NELL1: variants seen among roughly 807,000 people sequenced by gnomAD.
The protein encoded by NELL1 is protein kinase C-binding protein NELL1.
NELL1 carries 76 observed loss-of-function variants against 107.4 expected under a neutral mutation model. The ratio of observed to expected loss-of-function variants is 0.71; its 90% CI spans 0.59 to 0.86. The LOEUF (loss-of-function observed/expected upper bound fraction) is 0.86, where lower values mean the gene tolerates loss of function less well. NELL1 is among the 40% of genes least tolerant of loss of function. The pLI, the probability that NELL1 is intolerant of heterozygous loss-of-function variation, is 0.00. For missense variants in NELL1, 1,024 were observed against 1,005.5 expected (o/e 1.02, Z -0.25); for synonymous variants, 353 against 341.2 (o/e 1.03, Z -0.38).
At chr11:20,672,375 A>G (rs1047222651) in intron 1 of NELL1, among the ~76,000 whole-genome samples, 13 of 152,236 alleles carry the variant, frequency 8.5e-5, no homozygotes, top group African/African-American at 2.7e-4. Context: ...AGCTGCTCAG[A>G]TATCACCGGC....
chr11:21,020,113 T>A (rs1380335717), intron 12 of NELL1, among the ~76,000 whole-genome samples: 6 of 152,160 alleles, frequency 3.9e-5, no homozygotes, highest in Non-Finnish European at 8.8e-5. Flanking sequence ...TATGGTTATA[T>A]GTCAATTAAT....
At chr11:21,328,450 T>C (rs1473013183) in intron 14 of NELL1, among the ~76,000 whole-genome samples, 2 of 152,108 alleles carry the variant, frequency 1.3e-5, no homozygotes, top group African/African-American at 2.4e-5. Context: ...CAGGCAGAAG[T>C]ATGCTGTAGG....
At chr11:21,236,360 G>A (rs1473050072) in intron 14 of NELL1, among the ~76,000 whole-genome samples, 1 of 152,134 alleles carries the variant, frequency 6.6e-6, no homozygotes, top group Non-Finnish European at 1.5e-5. Context: ...TTGACCAGTT[G>A]ATTTAATGCA....
At chr11:21,439,452 T>C (rs1405432745) in intron 15 of NELL1, among the ~76,000 whole-genome samples, 1 of 152,180 alleles carries the variant, frequency 6.6e-6, no homozygotes, top group Admixed American at 6.5e-5. Context: ...GATCACTGAC[T>C]GGAACAGTGT....
intron 3 of NELL1, among the ~76,000 whole-genome samples, chr11:20,818,009 AT>A (rs1258580595): frequency 6.6e-6 from 1 of 152,112 alleles, no homozygotes; most frequent in East Asian, 1.9e-4. Flanking sequence ...ATGGAAAAGC[AT>A]GTGGTTGATC....
chr11:21,318,709 A>T (rs181659411), intron 14 of NELL1, among the ~76,000 whole-genome samples: 1 of 152,242 alleles, frequency 6.6e-6, no homozygotes, highest in Non-Finnish European at 1.5e-5. Context: ...GGTATTCAAT[A>T]AATGTTTATT....
chr11:21,433,380 T>A (rs566840571), intron 15 of NELL1, among the ~76,000 whole-genome samples: 13 of 152,334 alleles, frequency 8.5e-5, no homozygotes, highest in African/African-American at 3.1e-4. Flanking sequence ...TTTTATTTCC[T>A]TTGGATAAAT....
chr11:21,079,883 A>G (rs1278064430), intron 12 of NELL1, among the ~76,000 whole-genome samples: 2 of 152,088 alleles, frequency 1.3e-5, no homozygotes, highest in East Asian at 1.9e-4. Context: ...TGCCACTTAC[A>G]GTAGAAGATA....
intron 14 of NELL1, among the ~76,000 whole-genome samples, chr11:21,239,558 A>G (rs1858297842): frequency 6.6e-6 from 1 of 152,056 alleles, no homozygotes; most frequent in South Asian, 2.1e-4. Flanking sequence ...AGCAGCATGG[A>G]ATACATTTCT....
intron 12 of NELL1, among the ~76,000 whole-genome samples, chr11:20,985,484 G>T (rs1293516962): frequency 6.6e-6 from 1 of 152,068 alleles, no homozygotes. Context: ...CTCAGCTTGG[G>T]CGTATGGACA....
intron 10 of NELL1, among the ~76,000 whole-genome samples, chr11:20,941,416 A>G (rs1278043839): frequency 6.6e-6 from 1 of 152,126 alleles, no homozygotes; most frequent in African/African-American, 2.4e-5. Context: ...TAAATCCTGA[A>G]ATTTTACCTA....
At chr11:21,194,991 T>A (rs1249431206) in intron 13 of NELL1, among the ~76,000 whole-genome samples, 15 of 152,172 alleles carry the variant, frequency 9.9e-5, no homozygotes, top group Admixed American at 9.8e-4. Context: ...GACTAGAGTG[T>A]GAGCGTCGGG....
In NELL1 at chr11:20,918,209, T is replaced by G. The variant is rs35809043; in HGVS notation, c.631T>G (p.Phe211Val). Residue 211 changes from phenylalanine (F) to valine (V), a missense_variant, in exon 6 of 20, where the codon TTT (phenylalanine) becomes GTT (valine). Phe to Val is a conservative substitution (Grantham distance 50). Coordinates refer to ENST00000357134, the MANE Select transcript of NELL1 (RefSeq NM_006157.5). ...GATCATCCAAGATGGGAAGATCATC[T>G]TTATGCCGAATGGATATATAACACA... ...KGIIQDGKIIFMPNGYITQCP... is the reference protein window; with the variant it reads ...KGIIQDGKIIVMPNGYITQCP... 3.7e-3 allele frequency: 5,861 copies of G among 1,601,332 alleles called. 206 individuals are homozygous for G. The African/African-American group carries it at 0.069, about 19-fold the overall frequency.
At chr11:20,706,446 C>A (rs1443080741) in intron 2 of NELL1, among the ~76,000 whole-genome samples, 1 of 146,490 alleles carries the variant, frequency 6.8e-6, no homozygotes, top group African/African-American at 2.5e-5. Context: ...CATGTTTTTA[C>A]TCAGAGGTGG....
intron 5 of NELL1, among the ~76,000 whole-genome samples, chr11:20,905,553 A>G (rs1849977776): frequency 6.6e-6 from 1 of 152,130 alleles, no homozygotes; most frequent in South Asian, 2.1e-4. Flanking sequence ...AAAATGATGT[A>G]TAAAAAAATG....
chr11:20,968,761 T>A (rs1490400883), intron 12 of NELL1, among the ~76,000 whole-genome samples: 1 of 152,212 alleles, frequency 6.6e-6, no homozygotes, highest in Non-Finnish European at 1.5e-5. Context: ...TCAGGGACCC[T>A]GGCTCCTTTC....
intron 16 of NELL1, among the ~76,000 whole-genome samples, chr11:21,539,736 A>C (rs78658503): frequency 0.012 from 1,818 of 151,470 alleles, 38 homozygotes; most frequent in East Asian, 0.076. Context: ...ACCCATAGAT[A>C]GCCCATAGGG....
chr11:20,999,108 C>T (rs1852157765), intron 12 of NELL1, among the ~76,000 whole-genome samples: 1 of 152,132 alleles, frequency 6.6e-6, no homozygotes, highest in African/African-American at 2.4e-5. Context: ...TTTGCCACAT[C>T]CCCATGCTAA....
At chr11:20,788,595 C>T (rs548475102) in intron 3 of NELL1, among the ~76,000 whole-genome samples, 6 of 151,530 alleles carry the variant, frequency 4.0e-5, no homozygotes, top group African/African-American at 9.7e-5. Flanking sequence ...GTTTTAGAGG[C>T]AGTCACTTAT....
Sources: allele counts gnomAD v4.1 joint callset (sites outside exome capture counted in the v4.1 genomes callset), GRCh38; gene constraint gnomAD v4.1.1; transcripts MANE v1.5; gene names NCBI Gene and HGNC (gene_info 2026-07-23, HGNC 2026-07-21).